The following NBEA variants were observed in gnomAD, a reference collection of about 807,000 sequenced individuals.
NBEA encodes the protein neurobeachin.
In NBEA, 44 loss-of-function variants were observed where a neutral mutation model predicts 343.4. The observed-to-expected ratio is 0.13, with a 90% CI of 0.10 to 0.16. The LOEUF (loss-of-function observed/expected upper bound fraction) is 0.16, where lower values mean the gene tolerates loss of function less well. Among genes scored for constraint, NBEA ranks in the 10% least tolerant of loss-of-function variants. NBEA has a pLI of 1.00. For synonymous variants in NBEA, 1,175 were observed against 1,238.7 expected, an observed-to-expected ratio of 0.95 and a Z score of 1.08; for missense variants, 2,555 against 3,631.3, an observed-to-expected ratio of 0.70 and a Z score of 7.62.
intron 49 of NBEA, among the ~76,000 whole-genome samples, chr13:35,632,820 C>G (rs2083515696): frequency 6.6e-6 from 1 of 151,892 alleles, no homozygotes; most frequent in African/African-American, 2.4e-5. Flanking sequence ...TCTTGAACTC[C>G]TGACCTCAGG....
chr13:35,655,982 C>T (rs1444656162), intron 55 of NBEA, among the ~76,000 whole-genome samples: 1 of 152,128 alleles, frequency 6.6e-6, no homozygotes, highest in African/African-American at 2.4e-5. Flanking sequence ...CCTACCCAGA[C>T]CCTCTGCTCA....
intron 38 of NBEA, among the ~76,000 whole-genome samples, chr13:35,398,772 C>T (rs2042864647): frequency 6.6e-6 from 1 of 151,962 alleles, no homozygotes. Flanking sequence ...CTTAAGGGCC[C>T]TAGAATTTTT....
intron 41 of NBEA, among the ~76,000 whole-genome samples, chr13:35,497,025 T>C (rs1333974002): frequency 6.6e-6 from 1 of 152,082 alleles, no homozygotes; most frequent in Non-Finnish European, 1.5e-5. Flanking sequence ...TCATAAGCAC[T>C]GTGAATTACG....
chr13:35,495,918 G>T (rs2076659780), intron 41 of NBEA, among the ~76,000 whole-genome samples: 1 of 152,016 alleles, frequency 6.6e-6, no homozygotes, highest in African/African-American at 2.4e-5. Flanking sequence ...TGACTTGAAA[G>T]AACTGAGGCT....
chr13:35,343,936 ACCATCCCCTT>A (rs1314744416), intron 36 of NBEA, among the ~76,000 whole-genome samples: 1 of 152,034 alleles, frequency 6.6e-6, no homozygotes, highest in African/African-American at 2.4e-5. Context: ...TCATCTCGAA[ACCATCCCCTT>A]CCACCCACAC....
chr13:35,517,159 G>A (rs180953195), intron 41 of NBEA, among the ~76,000 whole-genome samples: 2 of 152,152 alleles, frequency 1.3e-5, no homozygotes, highest in Non-Finnish European at 2.9e-5. Context: ...CTGAGCTTCC[G>A]AAATCCTAAA....
At position 35,070,115 on chromosome 13, in the gene NBEA, T is replaced by C; in HGVS notation, c.1437+10T>C. The stretch of plus-strand genomic sequence containing the variant: ...TGCTCTAATGCTTCAGGTGGGTGAA[T>C]CGTGGCTTTGTTTTCATGTTCTTGT... On this transcript the variant is annotated intron_variant, in intron 9 of 58. Coordinates refer to ENST00000379939, the MANE Select transcript of NBEA (RefSeq NM_001385012.1). 6.7e-7 allele frequency: 1 copy of C among 1,489,098 alleles called. No individual in the cohort carries two copies. Among genetic ancestry groups the C allele is most frequent in the Non-Finnish European group, 9.0e-7 (1 of 1,111,712 alleles). 92.2% of individuals were successfully genotyped at this position (1,489,098 alleles called of 1,614,324 possible).
At chr13:34,959,881 A>T (rs1241860508) in intron 1 of NBEA, among the ~76,000 whole-genome samples, 2 of 152,286 alleles carry the variant, frequency 1.3e-5, no homozygotes, top group Middle Eastern at 3.4e-3. Flanking sequence ...GTATAAAGGT[A>T]TAGCACATAC....
In NBEA at chr13:35,655,875, C is replaced by G; in HGVS notation, c.8362+126C>G. ...TTTAAAATATGAAAGCTTAAGTGGC[C>G]AAAATCTGTACTGGAACGTAGCTAT... On this transcript the variant is annotated intron_variant, in intron 55 of 58. Coordinates refer to ENST00000379939, the MANE Select transcript of NBEA (RefSeq NM_001385012.1). 2 of 795,596 alleles carry G rather than the reference C, an allele frequency of 2.5e-6. 1 individual carries two copies. The highest frequency in any genetic ancestry group is 3.8e-5 in the South Asian group (2 of 53,298). The allele number at this position is 795,596 out of a possible 1,614,324, so 49.3% of individuals were successfully genotyped here.
At chr13:35,503,764 C>T (rs141847577) in intron 41 of NBEA, among the ~76,000 whole-genome samples, 21 of 152,036 alleles carry the variant, frequency 1.4e-4, no homozygotes, top group African/African-American at 4.3e-4. Context: ...TATGTTATTG[C>T]TCCTTTGTCA....
rs2079290427 is a variant in NBEA at position 35,550,926 on chromosome 13, A to T, written c.6704-4A>T. 1 of 1,580,350 alleles carries T rather than the reference A, an allele frequency of 6.3e-7. No homozygotes were observed. The highest frequency in any genetic ancestry group is 8.7e-7 in the Non-Finnish European group (1 of 1,154,640). ...AAACTCTGTTTTTTTTCTTCTTACC[A>T]CAGCCTCAGTTATGTTTAATTTCCC... is the stretch of plus-strand genomic sequence containing the variant. On this transcript the variant is annotated splice_polypyrimidine_tract_variant and splice_region_variant and intron_variant, in intron 42 of 58. Coordinates refer to ENST00000379939, the MANE Select transcript of NBEA (RefSeq NM_001385012.1).
chr13:35,430,081 C>T (rs1453753502), intron 38 of NBEA, among the ~76,000 whole-genome samples: 2 of 152,062 alleles, frequency 1.3e-5, no homozygotes, highest in African/African-American at 2.4e-5. Flanking sequence ...TTCCCACCAA[C>T]AGTGTAAAAT....
At chr13:35,004,759 A>G (rs1374191855) in intron 1 of NBEA, among the ~76,000 whole-genome samples, 1 of 152,220 alleles carries the variant, frequency 6.6e-6, no homozygotes, top group Non-Finnish European at 1.5e-5. Flanking sequence ...TGAAGGTGCT[A>G]TCTGGTTAAA....
chr13:35,469,599 T>G (rs2075551566), intron 40 of NBEA, among the ~76,000 whole-genome samples: 1 of 152,232 alleles, frequency 6.6e-6, no homozygotes, highest in South Asian at 2.1e-4. Context: ...CTTATCCATT[T>G]GTTTAACATT....
chr13:35,012,983 T>C (rs1490589502), intron 1 of NBEA, among the ~76,000 whole-genome samples: 1 of 152,202 alleles, frequency 6.6e-6, no homozygotes, highest in Non-Finnish European at 1.5e-5. Flanking sequence ...GATAGGTTAT[T>C]TTTGTGGAAG....
chr13:35,098,153 A>C, intron 10 of NBEA, 144 bp from the exon 11 acceptor site: 1 of 517,354 alleles, frequency 1.9e-6, no homozygotes, highest in Non-Finnish European at 3.4e-6. Context: ...TTCTTTCATA[A>C]TATAAGGCAT....
intron 38 of NBEA, among the ~76,000 whole-genome samples, chr13:35,405,043 AG>A (rs1762407751): frequency 6.6e-6 from 1 of 152,204 alleles, no homozygotes; most frequent in East Asian, 1.9e-4. Context: ...GACCCTGAGA[AG>A]CAGCATAGGA....
chr13:35,651,259 G>A (rs1343849357), intron 52 of NBEA, among the ~76,000 whole-genome samples: 34 of 152,170 alleles, frequency 2.2e-4, no homozygotes, highest in Admixed American at 2.2e-3. Context: ...GATTTTAGGT[G>A]TGGCCCAATT....
At chr13:35,185,264 A>G (rs989886495) in intron 30 of NBEA, 6 of 152,186 alleles carry the variant, frequency 3.9e-5, no homozygotes, top group African/African-American at 1.4e-4. Context: ...AATTCTGCCA[A>G]TAATTGAATG....
Sources: allele counts gnomAD v4.1 joint callset (sites outside exome capture counted in the v4.1 genomes callset), GRCh38; gene constraint gnomAD v4.1.1; transcripts MANE v1.5; gene names NCBI Gene and HGNC (gene_info 2026-07-23, HGNC 2026-07-21).